Variants in DHX38 observed in about 807,000 individuals in gnomAD.
The protein encoded by DHX38 is pre-mRNA-splicing factor ATP-dependent RNA helicase PRP16.
DHX38 carries 100 observed loss-of-function variants against 153.1 expected under a neutral mutation model. The ratio of observed to expected loss-of-function variants is 0.65; its 90% CI spans 0.56 to 0.77. The LOEUF (loss-of-function observed/expected upper bound fraction) is 0.77, where lower values mean the gene tolerates loss of function less well. Ranked by LOEUF, DHX38 falls within the 30% of genes least tolerant of loss-of-function variation. The pLI, the probability that DHX38 is intolerant of heterozygous loss-of-function variation, is 0.00. For synonymous variants in DHX38, 650 were observed against 631.7 expected (o/e 1.03, Z -0.43); for missense variants, 1,440 against 1,654.0 (o/e 0.87, Z 2.24).
At position 72,103,624 on chromosome 16, in the gene DHX38, G is replaced by C; in HGVS notation, c.1660G>C (p.Val554Leu). The C allele has an allele frequency of 6.2e-7, 1 of 1,611,410 alleles. No individual in the cohort carries two copies. The highest frequency in any genetic ancestry group is 1.1e-5 in the South Asian group (1 of 91,040). The part of the protein sequence containing the change: ...IIRDNSIVIV[V>L]GETGSGKTTQ... ...TAGAGACAACAGCATCGTGATCGTG[G>C]TTGGGGAGACGGGGAGTGGTAAGAC... The change falls in exon 13 of 27, where the codon GTT becomes CTT. Residue 554 changes from valine (V) to leucine (L), a missense_variant. By Grantham distance (32) the Val-to-Leu change is conservative. This residue lies in a region of DHX38 where 241 missense variants were observed against 229.5 expected (regional missense o/e 1.05). Coordinates refer to ENST00000268482, the MANE Select transcript of DHX38 (RefSeq NM_014003.4).
At chr16:72,111,208 C>T (rs1391516677) in intron 26 of DHX38, 131 bp downstream of exon 26, 2 of 1,350,404 alleles carry the variant, frequency 1.5e-6, no homozygotes, top group African/African-American at 1.5e-5. Context: ...ACAGAAGTTG[C>T]TTGTGCATTT....
rs1013441671 is a variant in DHX38, at chr16:72,096,308, C to T, written c.151C>T (p.Leu51=). The T allele has an allele frequency of 2.5e-6, 4 of 1,614,058 alleles. No individual in the cohort carries two copies. Among genetic ancestry groups the T allele is most frequent in the Non-Finnish European group, 3.4e-6 (4 of 1,180,038 alleles). Residue 51 remains leucine (L), a synonymous_variant, in exon 2 of 27, where the codon CTG becomes TTG. Transcript: ENST00000268482. ...TGCTCCCCGCCCTTCATTACTCGGA[C>T]TGGACTTGCTGGCTTCCCTGAAACG... ...APAPRPSLLG[L]DLLASLKRRE... is the part of the protein sequence containing the mutation.
intron 2 of DHX38, 32 bp downstream of exon 2, chr16:72,096,512 G>A: frequency 6.4e-7 from 1 of 1,555,672 alleles, no homozygotes; most frequent in Non-Finnish European, 8.7e-7. Flanking sequence ...AGCCCAGAGG[G>A]AAGCGAACGG....
At position 72,096,927 on chromosome 16, in the gene DHX38, T is replaced by A; in HGVS notation, c.429T>A (p.Gly143=). ...GAGAGCGGGAGCGGCGGGAACATGG[T>A]GTCTATGCCTCGTCCAAAGAAGAAA... is the stretch of plus-strand genomic sequence containing the variant. The part of the protein sequence containing the change: ...RQRERERREH[G]VYASSKEEKD... Residue 143 remains glycine, a synonymous_variant, in exon 3 of 27, where the codon GGT becomes GGA. Transcript: ENST00000268482. The A allele has an allele frequency of 6.2e-7, 1 of 1,613,836 alleles. No individual in the cohort carries two copies. Among genetic ancestry groups the A allele is most frequent in the Non-Finnish European group, 8.5e-7 (1 of 1,179,930 alleles).
Position 72,108,785 on chromosome 16 carries a change from G to A in DHX38, c.3256-15G>A, listed in dbSNP as rs1433877808. Reference sequence around the variant, plus strand: ...TGTTTTCCTGATGTGGCTGCCTGTTGTGTCTCCTCCCTAGGGAATCGGGGA... The same window carrying A: ...TGTTTTCCTGATGTGGCTGCCTGTTATGTCTCCTCCCTAGGGAATCGGGGA... On this transcript the variant is annotated splice_polypyrimidine_tract_variant and intron_variant, in intron 23 of 26. Coordinates refer to ENST00000268482, the MANE Select transcript of DHX38 (RefSeq NM_014003.4). The A allele has an allele frequency of 1.2e-6, 2 of 1,610,602 alleles. No individual in the cohort carries two copies. Among genetic ancestry groups the A allele is most frequent in the African/African-American group, 1.3e-5 (1 of 74,834 alleles).
intron 22 of DHX38, 34 bp from the exon 23 acceptor site, chr16:72,108,439 G>T: frequency 6.2e-7 from 1 of 1,613,690 alleles, no homozygotes; most frequent in Non-Finnish European, 8.5e-7. Flanking sequence ...AGGAAAGGAG[G>T]GCTCCCTCCT....
In DHX38 at chr16:72,096,276, A is replaced by G; in HGVS notation, c.119A>G (p.Lys40Arg). 6.2e-7 allele frequency: 1 copy of G among 1,614,208 alleles called. No homozygotes were observed. Among genetic ancestry groups the G allele is most frequent in the Non-Finnish European group, 8.5e-7 (1 of 1,180,028 alleles). ...GCGGCCAGCGAGCAGCATGTCTTCA[A>G]GGCTCCTGCTCCCCGCCCTTCATTA... ...KSAASEQHVF[K>R]APAPRPSLLG... Residue 40 changes from lysine to arginine, a missense_variant, in exon 2 of 27, where the codon AAG becomes AGG. This residue lies in a region of DHX38 where 483 missense variants were observed against 465.1 expected (regional missense o/e 1.04). Transcript: ENST00000268482.
rs376356568 is a variant in DHX38 at position 72,103,223 on chromosome 16, C to T, written c.1637+12C>T. 50 of 1,611,426 alleles carry T rather than the reference C, an allele frequency of 3.1e-5. No homozygotes were observed. Among genetic ancestry groups the T allele is most frequent in the Admixed American group, 5.0e-5 (3 of 59,854 alleles). On this transcript the variant is annotated intron_variant, in intron 12 of 26. Coordinates refer to ENST00000268482, the MANE Select transcript of DHX38 (RefSeq NM_014003.4). ...CTCACTATTATCAGGTAACTTCACC[C>T]GGGGCCCAGGAATCTAGTGTCAAGT...
chr16:72,107,527 C>T lies in DHX38; in HGVS notation c.2788C>T (p.Leu930Phe). 1 of 1,613,962 alleles carries T rather than the reference C, an allele frequency of 6.2e-7. No homozygotes were observed. Among genetic ancestry groups the T allele is most frequent in the South Asian group, 1.1e-5 (1 of 91,070 alleles). The change falls in exon 20 of 27, where the codon CTC becomes TTC. Residue 930 changes from leucine (L) to phenylalanine (F), a missense_variant. Physicochemically the swap from Leu to Phe is conservative, Grantham distance 22. Transcript: ENST00000268482. This position sits in a 1 kb window ranked among gnomAD's most constrained non-coding sequence, Gnocchi z 5.3. ...CAACTCTATGTATCAGCTCTGGATCCTCGGGGCCCTGGACAACACAGGTGA... is the reference window on the plus strand; with the variant it reads ...CAACTCTATGTATCAGCTCTGGATCTTCGGGGCCCTGGACAACACAGGTGA... ...MLNSMYQLWI[L>F]GALDNTGGLT...
At chr16:72,096,565 G>A in intron 2 of DHX38, 85 bp downstream of exon 2, 3 of 1,471,002 alleles carry the variant, frequency 2.0e-6, no homozygotes, top group Non-Finnish European at 2.7e-6. Context: ...CAGTTTTCCT[G>A]TTGGAGATTT....
intron 10 of DHX38, 74 bp downstream of exon 10, chr16:72,101,267 T>G: frequency 6.6e-7 from 1 of 1,522,918 alleles, no homozygotes; most frequent in Non-Finnish European, 9.0e-7. Context: ...TAAGTCTTAC[T>G]AGGCCCACAG....
rs759341369 is a variant in DHX38, at chr16:72,103,635, G to A, written c.1671G>A (p.Thr557=). 1.5e-5 allele frequency: 24 copies of A among 1,611,772 alleles called. No homozygotes were observed. The highest frequency in any genetic ancestry group is 3.3e-5 in the Admixed American group (2 of 59,970). ...DNSIVIVVGE[T]GSGKTTQLTQ... ...GCATCGTGATCGTGGTTGGGGAGAC[G>A]GGGAGTGGTAAGACCACTCAGCTGA... The change falls in exon 13 of 27, where the codon ACG becomes ACA. Residue 557 remains threonine (T), a synonymous_variant. Coordinates refer to ENST00000268482, the MANE Select transcript of DHX38 (RefSeq NM_014003.4).
chr16:72,112,751 CCCAT>C lies in DHX38; in HGVS notation c.*256_*259del. ...GCCGGGGCAGCGGGAGGTGGCTGGACCCATCGCATCTAAAACTGGCCCAGGACAC... is the reference window on the plus strand; with the variant it reads ...GCCGGGGCAGCGGGAGGTGGCTGGACCGCATCTAAAACTGGCCCAGGACAC... On this transcript the variant is annotated 3_prime_UTR_variant, in exon 27 of 27. Coordinates refer to ENST00000268482, the MANE Select transcript of DHX38 (RefSeq NM_014003.4). 1 of 703,158 alleles carries C rather than the reference CCCAT, an allele frequency of 1.4e-6. No homozygotes were observed. Among genetic ancestry groups the C allele is most frequent in the Non-Finnish European group, 2.6e-6 (1 of 385,312 alleles). 43.6% of individuals were successfully genotyped at this position (703,158 alleles called of 1,614,324 possible). A position where few individuals can be genotyped will look rare whatever the true frequency, so the allele number is the denominator to read the frequency against.
chr16:72,111,505 T>C (rs30433), intron 26 of DHX38, among the ~76,000 whole-genome samples: 141,747 of 152,278 alleles, frequency 0.93, 66,097 homozygotes, highest in East Asian at 0.98. Flanking sequence ...ACACCATCCT[T>C]ACTGGTGTCC....
At chr16:72,110,638 G>A (rs2042243653) in intron 25 of DHX38, among the ~76,000 whole-genome samples, 1 of 152,188 alleles carries the variant, frequency 6.6e-6, no homozygotes, top group Non-Finnish European at 1.5e-5. Flanking sequence ...CCAGCCAGCA[G>A]GTAATCACAT....
intron 3 of DHX38, 50 bp from the exon 4 acceptor site, chr16:72,097,625 GTA>G (rs2042039082): frequency 6.4e-7 from 1 of 1,553,642 alleles, no homozygotes; most frequent in Admixed American, 1.8e-5. Flanking sequence ...GTGAAGATGT[GTA>G]TACCTTAGGA....
In DHX38 at chr16:72,105,004, C is replaced by G. The variant is rs1310241760; in HGVS notation, c.2152-23C>G. 4.3e-6 allele frequency: 7 copies of G among 1,610,236 alleles called. No homozygotes were observed. The South Asian group carries it at 7.7e-5, about 18-fold the overall frequency. ...CTGCGCTTCTAGTACCTCCCTCTGA[C>G]TGTGTCCCCACTGCTGTTGCAGACC... On this transcript the variant is annotated intron_variant, in intron 15 of 26. Coordinates refer to ENST00000268482, the MANE Select transcript of DHX38 (RefSeq NM_014003.4).
chr16:72,105,441 G>A lies in DHX38; in HGVS notation c.2380-76G>A, dbSNP rs2042161838. On this transcript the variant is annotated intron_variant, in intron 17 of 26. Coordinates refer to ENST00000268482, the MANE Select transcript of DHX38 (RefSeq NM_014003.4). ...TGTCCTGGCAGGGGGTGGGCTAGGA[G>A]GTAGGCTTTTCCCCCTCGCGGAGCC... is the stretch of plus-strand genomic sequence containing the variant. 1.0e-5 allele frequency: 16 copies of A among 1,600,742 alleles called. No homozygotes were observed. The Admixed American group carries it at 2.5e-4, about 25-fold the overall frequency.
At chr16:72,102,966 C>T in intron 11 of DHX38, 108 bp from the exon 12 acceptor site, 2 of 1,486,322 alleles carry the variant, frequency 1.3e-6, no homozygotes, top group East Asian at 2.3e-5. Flanking sequence ...GTGTCTCAGA[C>T]TCTTGCCGAA....
Sources: gnomAD v4.1 joint callset for allele counts (sites outside exome capture counted in the v4.1 genomes callset) on GRCh38, gnomAD v4.1.1 for gene constraint, gnomAD v4.1.1 regional missense constraint, Gnocchi (gnomAD v3.1) non-coding constraint, MANE v1.5 for transcripts, NCBI Gene and HGNC (gene_info 2026-07-23, HGNC 2026-07-21) for gene names.